The following CPA6 variants were observed in gnomAD, a reference collection of about 807,000 sequenced individuals.
CPA6 encodes carboxypeptidase A6, also known as carboxypeptidase B.
In CPA6, 58 loss-of-function variants were observed where a neutral mutation model predicts 63.3. That is an observed-to-expected ratio of 0.92 (90% CI 0.74 to 1.14). CPA6 has a LOEUF of 1.14. Ranked by LOEUF, CPA6 falls within the 50% of genes most tolerant of loss-of-function variation. The pLI, the probability that CPA6 is intolerant of heterozygous loss-of-function variation, is 0.00. For missense variants in CPA6, 565 were observed against 526.6 expected (o/e 1.07, Z -0.71); for synonymous variants, 185 against 179.0 (o/e 1.03, Z -0.27).
In CPA6 at chr8:67,422,376, G is replaced by A. The variant is rs903555435; in HGVS notation, c.*128C>T. ...ATTGCCACAAAGTCAAATTGCGTGG[G>A]GTCTTTTTAAAGTCCATAGACATGT... On this transcript the variant is annotated 3_prime_UTR_variant, in exon 11 of 11. Transcript: ENST00000297770. 4 of 672,420 alleles carry A rather than the reference G, an allele frequency of 5.9e-6. No homozygotes were observed. The African/African-American group carries it at 7.1e-5, about 12-fold the overall frequency. The allele number at this position is 672,420 out of a possible 1,614,324, so 41.7% of individuals were successfully genotyped here. A position where few individuals can be genotyped will look rare whatever the true frequency, so the allele number is the denominator to read the frequency against.
At chr8:67,472,017 T>C (rs1397068869) in intron 8 of CPA6, among the ~76,000 whole-genome samples, 3 of 152,168 alleles carry the variant, frequency 2.0e-5, no homozygotes, top group Admixed American at 1.3e-4. Context: ...AGGAAAATTA[T>C]CAGAGAGATG....
chr8:67,423,364 C>T lies in CPA6; in HGVS notation c.1127-673G>A, dbSNP rs553852010. On this transcript the variant is annotated intron_variant, in intron 10 of 10. Transcript: ENST00000297770. Reference sequence around the variant, plus strand: ...CCTCCCAAAGTGCTGGGATTACAGGCGTGAGCCACTGTGCCTGGCCCCAGA... The same window carrying T: ...CCTCCCAAAGTGCTGGGATTACAGGTGTGAGCCACTGTGCCTGGCCCCAGA... 1.6e-4 allele frequency among the ~76,000 whole-genome samples: 25 copies of T among 152,356 alleles called. No individual in the cohort carries two copies. In the East Asian group the frequency reaches 3.7e-3, roughly 22 times the overall value.
At chr8:67,720,051 G>A (rs1817463106) in intron 1 of CPA6, among the ~76,000 whole-genome samples, 1 of 152,054 alleles carries the variant, frequency 6.6e-6, no homozygotes. Context: ...GGTGGGCTGA[G>A]TCCGAAAAGA....
rs1811175184 is a variant in CPA6, at chr8:67,475,805, CTTTCTTTCTTTCCTTTCT to C, written c.838+7945_838+7962del. On this transcript the variant is annotated intron_variant, in intron 8 of 10. Coordinates refer to ENST00000297770, the MANE Select transcript of CPA6 (RefSeq NM_020361.5). ...TCTTTCTTTCTTTCTTTCTTTCTTT[CTTTCTTTCTTTCCTTTCT>C]TTTCTTTCTTTCTTTCTTTCTTTCT... Among the ~76,000 whole-genome samples the C allele has an allele frequency of 2.5e-3, 146 of 59,156 alleles. 1 individual carries two copies. The highest frequency in any genetic ancestry group is 0.01 in the Middle Eastern group (1 of 98). The allele number at this position is 59,156 out of a possible 152,430, so 38.8% of individuals were successfully genotyped here.
intron 1 of CPA6, among the ~76,000 whole-genome samples, chr8:67,646,869 G>A (rs908997065): frequency 2.0e-5 from 3 of 152,204 alleles, no homozygotes; most frequent in Non-Finnish European, 4.4e-5. Context: ...CTGCAGCTGA[G>A]ACTGGAAAGA....
intron 1 of CPA6, among the ~76,000 whole-genome samples, chr8:67,670,940 G>A (rs577004269): frequency 6.6e-6 from 1 of 152,338 alleles, no homozygotes. Flanking sequence ...ATGATTCTGA[G>A]TGTTAATAAT....
At chr8:67,702,150 G>A (rs973042512) in intron 1 of CPA6, among the ~76,000 whole-genome samples, 4 of 152,074 alleles carry the variant, frequency 2.6e-5, no homozygotes, top group Non-Finnish European at 5.9e-5. Flanking sequence ...TAGGACTTGG[G>A]TGAGTGGGCT....
intron 1 of CPA6, among the ~76,000 whole-genome samples, chr8:67,660,571 T>C (rs1045084233): frequency 5.0e-5 from 7 of 139,918 alleles, no homozygotes; most frequent in African/African-American, 1.9e-4. Flanking sequence ...ACTCCTGGGC[T>C]CAAGTGATGT....
intron 1 of CPA6, among the ~76,000 whole-genome samples, chr8:67,701,626 A>G (rs1817026553): frequency 6.6e-6 from 1 of 152,200 alleles, no homozygotes; most frequent in Admixed American, 6.5e-5. Context: ...TCATCAACAC[A>G]ACAGAGAACT....
chr8:67,686,067 T>C (rs919233728), intron 1 of CPA6, among the ~76,000 whole-genome samples: 5 of 152,242 alleles, frequency 3.3e-5, no homozygotes, highest in African/African-American at 1.2e-4. Context: ...GTGCCTAGAA[T>C]AATGCATAGC....
At chr8:67,683,935 C>T (rs1816651041) in intron 1 of CPA6, among the ~76,000 whole-genome samples, 2 of 148,858 alleles carry the variant, frequency 1.3e-5, no homozygotes, top group Admixed American at 1.3e-4. Flanking sequence ...AGCCATCCTC[C>T]CACCTCAGCT....
intron 2 of CPA6, among the ~76,000 whole-genome samples, chr8:67,518,641 G>C (rs1257487689): frequency 1.3e-5 from 2 of 151,470 alleles, no homozygotes; most frequent in African/African-American, 4.9e-5. Flanking sequence ...TGAGTAGCTG[G>C]GATTACAGGT....
At chr8:67,487,644 C>A (rs55801056) in intron 6 of CPA6, among the ~76,000 whole-genome samples, 4 of 152,192 alleles carry the variant, frequency 2.6e-5, no homozygotes, top group African/African-American at 9.7e-5. Context: ...CTTCCACAAT[C>A]GTTGAACTAG....
intron 1 of CPA6, among the ~76,000 whole-genome samples, chr8:67,634,207 ATTATTATT>A (rs1364280449): frequency 2.3e-5 from 3 of 131,916 alleles, no homozygotes; most frequent in African/African-American, 8.8e-5. Context: ...TATTATTATT[ATTATTATT>A]ATTATTTATT....
intron 6 of CPA6, among the ~76,000 whole-genome samples, chr8:67,496,556 TATTTA>T (rs1811721865): frequency 3.9e-5 from 5 of 128,668 alleles, no homozygotes; most frequent in Admixed American, 8.0e-5. Context: ...TATATATATA[TATTTA>T]TTTTATTTTT....
intron 2 of CPA6, among the ~76,000 whole-genome samples, chr8:67,592,384 G>A (rs944276018): frequency 4.6e-5 from 7 of 152,132 alleles, no homozygotes; most frequent in African/African-American, 1.2e-4. Context: ...TTTGGTATCA[G>A]GATGATGCTG....
At chr8:67,649,565 T>C (rs1010402447) in intron 1 of CPA6, among the ~76,000 whole-genome samples, 1 of 152,140 alleles carries the variant, frequency 6.6e-6, no homozygotes, top group African/African-American at 2.4e-5. Flanking sequence ...TTTTTAAGGA[T>C]TTGAGGAAAT....
intron 6 of CPA6, among the ~76,000 whole-genome samples, chr8:67,504,509 G>A (rs1025099854): frequency 2.0e-5 from 3 of 152,140 alleles, no homozygotes; most frequent in Admixed American, 2.0e-4. Context: ...CCTGCTTTGA[G>A]TGAAGCCAGG....
rs566205181 is a variant in CPA6 at position 67,617,438 on chromosome 8, C to T, written c.192+6738G>A. ...CTTTCAAAATTCATGCTACAGAAGG[C>T]AAAAGTCAGTGTTCTTTCATTACTT... is the stretch of plus-strand genomic sequence containing the variant. On this transcript the variant is annotated intron_variant, in intron 2 of 10. Transcript: ENST00000297770. 3.9e-5 allele frequency among the ~76,000 whole-genome samples: 6 copies of T among 152,194 alleles called. No homozygotes were observed. In the South Asian group the frequency reaches 1.2e-3, roughly 32 times the overall value.
Sources: allele counts gnomAD v4.1 joint callset (sites outside exome capture counted in the v4.1 genomes callset), GRCh38; gene constraint gnomAD v4.1.1; transcripts MANE v1.5; gene names NCBI Gene and HGNC (gene_info 2026-07-23, HGNC 2026-07-21).